C9orf153: variants seen among roughly 807,000 people sequenced by gnomAD.
C9orf153 encodes chromosome 9 open reading frame 153.
A neutral mutation model predicts 9.0 loss-of-function variants in C9orf153; 10 were observed. The observed-to-expected ratio is 1.11, with a 90% CI of 0.69 to 1.89. C9orf153 has a LOEUF of 1.89. Ranked by LOEUF, C9orf153 falls within the 40% of genes most tolerant of loss-of-function variation. C9orf153 has a pLI of 0.00. For missense variants in C9orf153, 108 were observed against 111.0 expected, an observed-to-expected ratio of 0.97 and a Z score of 0.12; for synonymous variants, 35 against 37.3, an observed-to-expected ratio of 0.94 and a Z score of 0.23.
rs146954955 is a variant in C9orf153, at chr9:86,227,315, TTTTA to T, written c.242+536_242+539del. On this transcript the variant is annotated intron_variant, in intron 3 of 3. Coordinates refer to ENST00000339137, the MANE Select transcript of C9orf153 (RefSeq NM_001276366.4). The stretch of plus-strand genomic sequence containing the variant: ...GCACATGCCACCAAGCTCAGCTAAT[TTTTA>T]TTTATTTATTTATTTATTTATTTAT... 6.5e-3 allele frequency: 9,270 copies of T among 1,421,930 alleles called. 369 individuals are homozygous for T. In the African/African-American group the frequency reaches 0.12, roughly 19 times the overall value. 88.1% of individuals were successfully genotyped at this position (1,421,930 alleles called of 1,614,324 possible).
chr9:86,246,264 A>C (rs968108632), intron 1 of C9orf153, among the ~76,000 whole-genome samples: 9 of 152,194 alleles, frequency 5.9e-5, no homozygotes, highest in Non-Finnish European at 7.3e-5. Flanking sequence ...GTTCTCTTGC[A>C]GCATTTGAAT....
chr9:86,254,621 ACT>A (rs1471864946), intron 1 of C9orf153, among the ~76,000 whole-genome samples: 7 of 152,082 alleles, frequency 4.6e-5, no homozygotes, highest in South Asian at 2.1e-4. Flanking sequence ...TTCAGACATT[ACT>A]CTGTTTTTCT....
intron 3 of C9orf153, chr9:86,227,546 G>C: frequency 2.9e-6 from 4 of 1,358,840 alleles, no homozygotes; most frequent in Non-Finnish European, 3.8e-6. Flanking sequence ...TAAATTACCT[G>C]GGTCAACTAA....
At chr9:86,240,925 T>C (rs978984905) in intron 1 of C9orf153, among the ~76,000 whole-genome samples, 14 of 151,878 alleles carry the variant, frequency 9.2e-5, no homozygotes, top group African/African-American at 3.4e-4. Flanking sequence ...GCCAGGCTGG[T>C]CTGGAGCTCC....
intron 1 of C9orf153, among the ~76,000 whole-genome samples, chr9:86,235,864 A>T (rs183299805): frequency 6.6e-6 from 1 of 152,094 alleles, no homozygotes; most frequent in Non-Finnish European, 1.5e-5. Flanking sequence ...CATAATGAGA[A>T]TACCAGCAGA....
intron 1 of C9orf153, among the ~76,000 whole-genome samples, chr9:86,237,083 C>T (rs1824613346): frequency 6.6e-6 from 1 of 151,930 alleles, no homozygotes; most frequent in Admixed American, 6.6e-5. Context: ...GGTACTCACA[C>T]TGCCTGCAAG....
At chr9:86,244,512 C>T (rs1455459257) in intron 1 of C9orf153, among the ~76,000 whole-genome samples, 1 of 152,204 alleles carries the variant, frequency 6.6e-6, no homozygotes, top group African/African-American at 2.4e-5. Flanking sequence ...CTGAATACGG[C>T]AGCAGATGTA....
At chr9:86,242,819 C>T (rs951538016) in intron 1 of C9orf153, among the ~76,000 whole-genome samples, 46 of 152,260 alleles carry the variant, frequency 3.0e-4, no homozygotes, top group African/African-American at 1.1e-3. Flanking sequence ...GCTGGGATTA[C>T]AAGTACCCAC....
intron 1 of C9orf153, among the ~76,000 whole-genome samples, chr9:86,259,054 G>A: frequency 6.7e-6 from 1 of 149,442 alleles, no homozygotes. Context: ...CTTTGAGATA[G>A]GCTCTCATTC....
chr9:86,227,307 C>T, intron 3 of C9orf153: 1 of 1,429,480 alleles, frequency 7.0e-7, no homozygotes, highest in Non-Finnish European at 9.1e-7. Flanking sequence ...CCACCAAGCT[C>T]AGCTAATTTT....
intron 3 of C9orf153, chr9:86,227,534 T>C: frequency 7.3e-7 from 1 of 1,364,396 alleles, no homozygotes. Flanking sequence ...GCCTCATCTG[T>C]TTAAATTACC....
intron 3 of C9orf153, chr9:86,227,258 C>G: frequency 1.5e-6 from 2 of 1,352,562 alleles, no homozygotes; most frequent in Non-Finnish European, 1.9e-6. Context: ...GTGATCCTCC[C>G]ACCTAAACCT....
intron 1 of C9orf153, among the ~76,000 whole-genome samples, chr9:86,243,317 T>G (rs2131196101): frequency 6.6e-6 from 1 of 152,282 alleles, no homozygotes; most frequent in African/African-American, 2.4e-5. Flanking sequence ...TTCAACATGA[T>G]GATAGAGAAT....
intron 1 of C9orf153, among the ~76,000 whole-genome samples, chr9:86,249,548 C>CT (rs369850072): frequency 0.02 from 2,561 of 128,396 alleles, 69 homozygotes; most frequent in African/African-American, 0.063. Flanking sequence ...CGTCTCCCAC[C>CT]TTTTTTTTTT....
chr9:86,243,869 G>A (rs72748773), intron 1 of C9orf153, among the ~76,000 whole-genome samples: 3 of 152,338 alleles, frequency 2.0e-5, no homozygotes, highest in Non-Finnish European at 4.4e-5. Context: ...CACAGTTGAT[G>A]TTGGCCCAGT....
At chr9:86,227,315 T>TTTTA (rs146954955) in intron 3 of C9orf153, 52,768 of 1,425,228 alleles carry the variant, frequency 0.037, 1,060 homozygotes, top group African/African-American at 0.095. Flanking sequence ...CTCAGCTAAT[T>TTTTA]TTTATTTATT....
chr9:86,230,586 C>A (rs1824448555), intron 1 of C9orf153, among the ~76,000 whole-genome samples: 1 of 152,180 alleles, frequency 6.6e-6, no homozygotes, highest in African/African-American at 2.4e-5. Flanking sequence ...CAGGTGTGGG[C>A]CACCACGCCC....
chr9:86,257,687 T>C (rs975535097), intron 1 of C9orf153, among the ~76,000 whole-genome samples: 4 of 152,308 alleles, frequency 2.6e-5, no homozygotes, highest in Admixed American at 1.3e-4. Flanking sequence ...AGAGGGTGAA[T>C]TGACAACACG....
chr9:86,235,741 C>CAAAA (rs60165641), intron 1 of C9orf153, among the ~76,000 whole-genome samples: 233 of 22,042 alleles, frequency 0.011, 8 homozygotes, highest in East Asian at 0.017. Context: ...GACTCCATCT[C>CAAAA]AAAAAAAAAA....
Sources: allele counts gnomAD v4.1 joint callset (sites outside exome capture counted in the v4.1 genomes callset), GRCh38; gene constraint gnomAD v4.1.1; transcripts MANE v1.5; gene names NCBI Gene and HGNC (gene_info 2026-07-23, HGNC 2026-07-21).